The following CAPN3 variants were observed in gnomAD, a reference collection of about 807,000 sequenced individuals.
CAPN3 encodes the protein calpain 3, also known as calpain-3.
CAPN3 carries 88 observed loss-of-function variants against 114.0 expected under a neutral mutation model. That is an observed-to-expected ratio of 0.77 (90% CI 0.65 to 0.92). The LOEUF (loss-of-function observed/expected upper bound fraction) is 0.92. Ranked by LOEUF, CAPN3 falls within the 40% of genes least tolerant of loss-of-function variation. The probability of loss-of-function intolerance (pLI) is 0.00; values close to 1 mark genes in which losing one functional copy is unlikely to be tolerated. For synonymous variants in CAPN3, 386 were observed against 382.9 expected, an observed-to-expected ratio of 1.01 and a Z score of -0.09; for missense variants, 1,028 against 1,069.0, an observed-to-expected ratio of 0.96 and a Z score of 0.53.
chr15:42,365,687 A>G (rs2052761050), intron 1 of CAPN3, among the ~76,000 whole-genome samples: 1 of 151,826 alleles, frequency 6.6e-6, no homozygotes, highest in Non-Finnish European at 1.5e-5. Flanking sequence ...CTTCAGCCAC[A>G]TTTCTCTGGT....
chr15:42,399,251 C>T (rs1197733581), intron 9 of CAPN3, among the ~76,000 whole-genome samples: 1 of 152,096 alleles, frequency 6.6e-6, no homozygotes, highest in South Asian at 2.1e-4. Flanking sequence ...TGAGAGCATG[C>T]GACATTTATC....
chr15:42,410,001 C>T lies in CAPN3; in HGVS notation c.2115+6C>T. 6.2e-7 allele frequency: 1 copy of T among 1,611,616 alleles called. No homozygotes were observed. The highest frequency in any genetic ancestry group is 1.7e-5 in the Admixed American group (1 of 60,008). ...GCATGATTGCGCTCATGGATGTATCCTTCCTGCCGCCCCTTCCCGACCCTC... is the reference window on the plus strand; with the variant it reads ...GCATGATTGCGCTCATGGATGTATCTTTCCTGCCGCCCCTTCCCGACCCTC... On this transcript the variant is annotated splice_donor_region_variant and intron_variant, in intron 19 of 23. Transcript: ENST00000397163.
chr15:42,381,321 A>G (rs1472399643), intron 1 of CAPN3, among the ~76,000 whole-genome samples: 1 of 152,262 alleles, frequency 6.6e-6, no homozygotes, highest in East Asian at 1.9e-4. Context: ...TCTGCTGGCA[A>G]TGAATTTCCT....
At chr15:42,361,674 G>A (rs908123491) in intron 1 of CAPN3, among the ~76,000 whole-genome samples, 4 of 152,080 alleles carry the variant, frequency 2.6e-5, no homozygotes, top group Middle Eastern at 3.4e-3. Context: ...TCCCTCTCTC[G>A]GCCCCCACTG....
chr15:42,403,896 G>T, intron 14 of CAPN3, 119 bp downstream of exon 14: 1 of 933,806 alleles, frequency 1.1e-6, no homozygotes, highest in Non-Finnish European at 1.8e-6. Context: ...TCTGGGCTGT[G>T]CTGAGCAGTC....
At chr15:42,360,960 A>T (rs2052627377) in intron 1 of CAPN3, among the ~76,000 whole-genome samples, 2 of 152,216 alleles carry the variant, frequency 1.3e-5, no homozygotes, top group South Asian at 4.1e-4. Flanking sequence ...GACAGCAGTG[A>T]GTAAGAAAGA....
chr15:42,370,866 G>A (rs142437750), intron 1 of CAPN3, among the ~76,000 whole-genome samples: 31 of 152,232 alleles, frequency 2.0e-4, no homozygotes, highest in African/African-American at 7.5e-4. Flanking sequence ...ATAACACAAT[G>A]ATGTTATGAC....
intron 1 of CAPN3, among the ~76,000 whole-genome samples, chr15:42,363,474 C>T (rs765805957): frequency 1.3e-5 from 2 of 152,156 alleles, no homozygotes; most frequent in African/African-American, 4.8e-5. Context: ...GCACCACACT[C>T]CTGGCCTGTC....
chr15:42,385,807 C>A (rs745762140), intron 2 of CAPN3: 1 of 539,270 alleles, frequency 1.9e-6, no homozygotes, highest in Non-Finnish European at 3.7e-6. Flanking sequence ...AGGCACAGGG[C>A]AGGGCAGATT....
chr15:42,394,176 C>T, intron 7 of CAPN3, 80 bp from the exon 8 acceptor site: 1 of 1,326,010 alleles, frequency 7.5e-7, no homozygotes, highest in Non-Finnish European at 1.1e-6. Flanking sequence ...CCCCCCAGCC[C>T]CGTCCCAGCC....
chr15:42,363,756 C>T (rs143961477), intron 1 of CAPN3, among the ~76,000 whole-genome samples: 2 of 152,344 alleles, frequency 1.3e-5, no homozygotes, highest in Admixed American at 6.5e-5. Flanking sequence ...TATGTTAATT[C>T]ATTTAATCTT....
intron 1 of CAPN3, chr15:42,374,654 C>T (rs1388135594): frequency 1.3e-5 from 2 of 152,104 alleles, no homozygotes; most frequent in Non-Finnish European, 2.9e-5. Flanking sequence ...TCTCTTTATC[C>T]AAAATACCTT....
chr15:42,387,108 C>A (rs7168709), intron 3 of CAPN3, among the ~76,000 whole-genome samples: 40,771 of 152,056 alleles, frequency 0.27, 7,802 homozygotes, highest in African/African-American at 0.53. Flanking sequence ...AAGGGCCTTA[C>A]ATACAAATAT....
chr15:42,404,633 G>A lies in CAPN3; in HGVS notation c.1782+856G>A, dbSNP rs1029221686. 1.2e-5 allele frequency: 13 copies of A among 1,110,032 alleles called. No individual in the cohort carries two copies. In the African/African-American group the frequency reaches 2.0e-4, roughly 17 times the overall value. 68.8% of individuals were successfully genotyped at this position (1,110,032 alleles called of 1,614,324 possible). ...CGAAGCACAGAGTGCTGTGTGTTGG[G>A]CTCTGTGTGTTGAGGAGTCTTGTGA... On this transcript the variant is annotated intron_variant, in intron 14 of 23. Coordinates refer to ENST00000397163, the MANE Select transcript of CAPN3 (RefSeq NM_000070.3).
At chr15:42,379,288 G>C (rs560314725) in intron 1 of CAPN3, among the ~76,000 whole-genome samples, 28 of 152,152 alleles carry the variant, frequency 1.8e-4, no homozygotes, top group African/African-American at 6.7e-4. Flanking sequence ...TCCAGCCTGG[G>C]TGACAGAGAG....
At position 42,359,838 on chromosome 15, in the gene CAPN3, A is replaced by G; in HGVS notation, c.33A>G (p.Pro11=). 1 of 1,614,016 alleles carries G rather than the reference A, an allele frequency of 6.2e-7. No homozygotes were observed. The highest frequency in any genetic ancestry group is 8.5e-7 in the Non-Finnish European group (1 of 1,180,010). Residue 11 remains proline (P), a synonymous_variant, in exon 1 of 24, where the codon CCA becomes CCG. Coordinates refer to ENST00000397163, the MANE Select transcript of CAPN3 (RefSeq NM_000070.3). ...CCGTCATTAGCGCATCTGTGGCTCC[A>G]AGGACAGCGGCTGAGCCCCGGTCCC... The part of the protein sequence containing the change: MPTVISASVA[P]RTAAEPRSPG...
At chr15:42,360,365 CT>C (rs1248317361) in intron 1 of CAPN3, among the ~76,000 whole-genome samples, 2 of 143,460 alleles carry the variant, frequency 1.4e-5, no homozygotes, top group East Asian at 3.9e-4. Context: ...CTCTTTCTCT[CT>C]GAAAAAAAAA....
intron 1 of CAPN3, among the ~76,000 whole-genome samples, chr15:42,373,903 A>G (rs531576439): frequency 6.6e-6 from 1 of 152,332 alleles, no homozygotes; most frequent in South Asian, 2.1e-4. Context: ...TAGCCCTTTG[A>G]TCACCAGTGT....
chr15:42,392,039 C>T (rs189654261), intron 6 of CAPN3, among the ~76,000 whole-genome samples: 4 of 152,198 alleles, frequency 2.6e-5, no homozygotes, highest in Non-Finnish European at 5.9e-5. Context: ...GTGGCACGTG[C>T]CTGTAATCCC....
Sources: gnomAD v4.1 joint callset for allele counts (sites outside exome capture counted in the v4.1 genomes callset) on GRCh38, gnomAD v4.1.1 for gene constraint, MANE v1.5 for transcripts, NCBI Gene and HGNC (gene_info 2026-07-23, HGNC 2026-07-21) for gene names.